The following ZNF362 variants were observed in gnomAD, a reference collection of about 807,000 sequenced individuals.
ZNF362 encodes the protein zinc finger protein 362.
In ZNF362, 11 loss-of-function variants were observed where a neutral mutation model predicts 42.9. That is an observed-to-expected ratio of 0.26 (90% CI 0.16 to 0.42). The LOEUF is 0.42. Among genes scored for constraint, ZNF362 ranks in the 20% least tolerant of loss-of-function variants. The pLI is 1.00. For missense variants in ZNF362, 362 were observed against 576.2 expected (o/e 0.63, Z 3.81); for synonymous variants, 255 against 257.3 (o/e 0.99, Z 0.09).
chr1:33,274,131 G>T (rs1392022142), intron 2 of ZNF362, among the ~76,000 whole-genome samples: 2 of 152,164 alleles, frequency 1.3e-5, no homozygotes, highest in Non-Finnish European at 2.9e-5. Flanking sequence ...GGTCGCAGCC[G>T]TGTCATCCTA....
chr1:33,201,486 G>A, the ZNF362 span, among the ~76,000 whole-genome samples: 1 of 152,176 alleles, frequency 6.6e-6, no homozygotes, highest in African/African-American at 2.4e-5. Flanking sequence ...ATAATGGAAA[G>A]ATCTCTGGAA....
chr1:33,235,359 C>T, the ZNF362 span, among the ~76,000 whole-genome samples: 6 of 152,208 alleles, frequency 3.9e-5, no homozygotes, highest in South Asian at 2.1e-4. Context: ...CTCTTCCTCA[C>T]GATGCCTGTA....
chr1:33,177,380 C>T, the ZNF362 span, among the ~76,000 whole-genome samples: 2 of 152,178 alleles, frequency 1.3e-5, no homozygotes, highest in East Asian at 1.9e-4. This position sits in a 1 kb window ranked among gnomAD's most constrained non-coding sequence, Gnocchi z 4.1. Context: ...TTCCCAGGAA[C>T]ATCATATCCT....
intron 4 of ZNF362, among the ~76,000 whole-genome samples, chr1:33,279,862 TA>T (rs753425755): frequency 1.5e-4 from 23 of 152,276 alleles, no homozygotes; most frequent in Middle Eastern, 3.4e-3. Flanking sequence ...CTGTTATAAA[TA>T]AGACGGCAGT....
At chr1:33,184,383 C>T in the ZNF362 span, among the ~76,000 whole-genome samples, 1 of 152,200 alleles carries the variant, frequency 6.6e-6, no homozygotes, top group African/African-American at 2.4e-5. Context: ...TCCTGTTCTT[C>T]TATGTAGTAG....
chr1:33,178,333 C>T, the ZNF362 span, among the ~76,000 whole-genome samples: 1 of 152,142 alleles, frequency 6.6e-6, no homozygotes, highest in African/African-American at 2.4e-5. Flanking sequence ...CCTTGCCTTC[C>T]CCATATGGAG....
At chr1:33,251,894 A>G (rs557321782), upstream of ZNF362, among the ~76,000 whole-genome samples, 1 of 152,322 alleles carries the variant, frequency 6.6e-6, no homozygotes, top group South Asian at 2.1e-4. Context: ...ACAGTGGAAG[A>G]GCTCACCCAT....
At chr1:33,247,877 G>A in the ZNF362 span, among the ~76,000 whole-genome samples, 7 of 152,222 alleles carry the variant, frequency 4.6e-5, no homozygotes, top group Non-Finnish European at 8.8e-5. Flanking sequence ...GTAGGAAAAA[G>A]GAGTGAACAG....
chr1:33,274,425 G>A (rs768940197), intron 2 of ZNF362, among the ~76,000 whole-genome samples: 3 of 152,322 alleles, frequency 2.0e-5, no homozygotes, highest in East Asian at 1.9e-4. Context: ...TTATTGTTTC[G>A]AGTTTGTTCT....
the ZNF362 span, chr1:33,181,476 C>G: frequency 6.5e-7 from 1 of 1,531,896 alleles, no homozygotes; most frequent in Non-Finnish European, 8.7e-7. The surrounding 1 kb of genome is among the most constrained non-coding windows in gnomAD (Gnocchi z 6.5). Flanking sequence ...GGCAGGGGGG[C>G]GGCTGAGAGA....
chr1:33,243,763 A>ATTT, the ZNF362 span, among the ~76,000 whole-genome samples: 2 of 124,094 alleles, frequency 1.6e-5, no homozygotes, highest in Admixed American at 8.1e-5. Context: ...CAACTGGCCA[A>ATTT]TTTTTTTTTT....
intron 1 of ZNF362, among the ~76,000 whole-genome samples, chr1:33,259,143 G>A (rs150087616): frequency 6.6e-6 from 1 of 152,180 alleles, no homozygotes; most frequent in Admixed American, 6.5e-5. Flanking sequence ...AGTGATTTGG[G>A]TCTCAGAACC....
At chr1:33,175,300 C>T in the ZNF362 span, among the ~76,000 whole-genome samples, 1 of 152,004 alleles carries the variant, frequency 6.6e-6, no homozygotes, top group African/African-American at 2.4e-5. Flanking sequence ...CCTTGGCCTC[C>T]TGAAGTGCTG....
chr1:33,160,031 C>T, the ZNF362 span: 3 of 1,535,862 alleles, frequency 2.0e-6, no homozygotes, highest in Non-Finnish European at 2.6e-6. Flanking sequence ...AGCCTTGACA[C>T]ACAGAGAGGA....
chr1:33,252,354 AAACAACAACAACAAC>A (rs3075190), upstream of ZNF362, among the ~76,000 whole-genome samples: 14 of 150,112 alleles, frequency 9.3e-5, no homozygotes, highest in South Asian at 1.5e-3. Flanking sequence ...CTCCATCTCA[AAACAACAACAACAAC>A]AACAACAACA....
chr1:33,128,946 G>A, the ZNF362 span, among the ~76,000 whole-genome samples: 1 of 152,228 alleles, frequency 6.6e-6, no homozygotes, highest in Admixed American at 6.5e-5. Flanking sequence ...AGGGAGGTCT[G>A]ATTAGGGATA....
At chr1:33,227,118 T>C in the ZNF362 span, among the ~76,000 whole-genome samples, 7 of 152,176 alleles carry the variant, frequency 4.6e-5, no homozygotes, top group Non-Finnish European at 8.8e-5. Context: ...TGGTGATGGA[T>C]TGCACAATTC....
the ZNF362 span, among the ~76,000 whole-genome samples, chr1:33,226,078 G>T: frequency 6.6e-6 from 1 of 152,264 alleles, no homozygotes; most frequent in South Asian, 2.1e-4. Flanking sequence ...AAGCCCCCAG[G>T]AGGCACATAC....
chr1:33,162,637 GC>G, the ZNF362 span, among the ~76,000 whole-genome samples: 461 of 152,296 alleles, frequency 3.0e-3, no homozygotes, highest in African/African-American at 0.011. Flanking sequence ...GCAGGCTCCA[GC>G]TTCTTTCCAG....
Sources: allele counts gnomAD v4.1 joint callset (sites outside exome capture counted in the v4.1 genomes callset), GRCh38; gene constraint gnomAD v4.1.1; non-coding constraint Gnocchi (gnomAD v3.1); transcripts MANE v1.5; gene names NCBI Gene and HGNC (gene_info 2026-07-23, HGNC 2026-07-21).